The following MATN2 variants were observed in gnomAD, a reference collection of about 807,000 sequenced individuals.
MATN2 encodes the protein matrilin-2.
Under a neutral mutation model 103.2 loss-of-function variants are expected in MATN2, and 69 were observed. The observed-to-expected ratio is 0.67, with a 90% CI of 0.55 to 0.82. The LOEUF (loss-of-function observed/expected upper bound fraction) is 0.82, where lower values mean the gene tolerates loss of function less well. Among genes scored for constraint, MATN2 ranks in the 40% least tolerant of loss-of-function variants. The pLI is 0.00. For missense variants in MATN2, 1,023 were observed against 1,211.5 expected, an observed-to-expected ratio of 0.84 and a Z score of 2.31; for synonymous variants, 429 against 450.2, an observed-to-expected ratio of 0.95 and a Z score of 0.60.
At chr8:97,970,647 G>A (rs538389165) in intron 5 of MATN2, among the ~76,000 whole-genome samples, 2 of 152,272 alleles carry the variant, frequency 1.3e-5, no homozygotes, top group South Asian at 4.1e-4. Flanking sequence ...CTCCCTGACT[G>A]ACTAAAATTA....
At chr8:98,017,638 G>A (rs1488468700) in intron 11 of MATN2, among the ~76,000 whole-genome samples, 2 of 152,228 alleles carry the variant, frequency 1.3e-5, no homozygotes, top group Non-Finnish European at 2.9e-5. Flanking sequence ...CAAAGCCAAA[G>A]TTAGATTTCA....
intron 1 of MATN2, among the ~76,000 whole-genome samples, chr8:97,869,621 G>C (rs1340014720): frequency 6.6e-6 from 1 of 152,236 alleles, no homozygotes; most frequent in East Asian, 1.9e-4. Context: ...CCGCGACCCA[G>C]GGAAAGGGAG....
intron 2 of MATN2, among the ~76,000 whole-genome samples, chr8:97,911,488 C>A (rs888950483): frequency 6.6e-6 from 1 of 151,952 alleles, no homozygotes; most frequent in Non-Finnish European, 1.5e-5. Context: ...GCAGGCGGAT[C>A]ACGAGGTCAA....
chr8:97,923,535 T>TTCTCTCTC (rs35773325), intron 2 of MATN2, among the ~76,000 whole-genome samples: 2 of 148,454 alleles, frequency 1.3e-5, no homozygotes, highest in Non-Finnish European at 3.0e-5. Context: ...AGCCACTCAC[T>TTCTCTCTC]TCTCTCTCTC....
intron 1 of MATN2, among the ~76,000 whole-genome samples, chr8:97,875,006 G>A (rs527444459): frequency 9.9e-4 from 150 of 152,030 alleles, no homozygotes; most frequent in Admixed American, 3.5e-3. Flanking sequence ...ACAAGCCACC[G>A]CCCCTGGCCC....
chr8:97,977,508 C>T (rs576052873), intron 5 of MATN2, among the ~76,000 whole-genome samples: 34 of 152,218 alleles, frequency 2.2e-4, no homozygotes, highest in Non-Finnish European at 3.5e-4. Context: ...CCCATAACTT[C>T]CAGAACACCA....
chr8:97,957,952 C>T (rs1811191861), intron 4 of MATN2, among the ~76,000 whole-genome samples: 1 of 152,202 alleles, frequency 6.6e-6, no homozygotes. Context: ...CTTGCAGTTA[C>T]TCACAGACTC....
At chr8:97,987,798 G>C (rs1812245023) in intron 6 of MATN2, among the ~76,000 whole-genome samples, 1 of 151,924 alleles carries the variant, frequency 6.6e-6, no homozygotes, top group South Asian at 2.1e-4. Flanking sequence ...TCATATATTA[G>C]ACATTCAAGA....
rs542302868 is a variant in MATN2, at chr8:98,006,409, A to G, written c.1328-696A>G. On this transcript the variant is annotated intron_variant, in intron 8 of 18. Coordinates refer to ENST00000254898, the MANE Select transcript of MATN2 (RefSeq NM_002380.5). ...CTGTTCTGAGCGCTTTACATAATCAACCCCTCTTATTCTCACCCTATTCCT... is the reference window on the plus strand; with the variant it reads ...CTGTTCTGAGCGCTTTACATAATCAGCCCCTCTTATTCTCACCCTATTCCT... 3.3e-5 allele frequency among the ~76,000 whole-genome samples: 5 copies of G among 152,092 alleles called. No individual in the cohort carries two copies. The South Asian group carries it at 1.0e-3, about 32-fold the overall frequency.
intron 3 of MATN2, among the ~76,000 whole-genome samples, chr8:97,932,661 C>T (rs746855842): frequency 2.0e-5 from 3 of 152,240 alleles, no homozygotes; most frequent in East Asian, 1.9e-4. Context: ...CCTGCCTCTG[C>T]GGCTGCCTTT....
At chr8:97,960,822 T>C (rs62521959) in intron 4 of MATN2, among the ~76,000 whole-genome samples, 34,424 of 152,118 alleles carry the variant, frequency 0.23, 4,450 homozygotes, top group Non-Finnish European at 0.28. Context: ...TTTATGTTAT[T>C]TATTTATTTT....
intron 2 of MATN2, among the ~76,000 whole-genome samples, chr8:97,913,006 A>T (rs919268588): frequency 6.6e-6 from 1 of 152,154 alleles, no homozygotes; most frequent in African/African-American, 2.4e-5. Flanking sequence ...CCTCACTGGG[A>T]TCAGGATGGT....
intron 1 of MATN2, among the ~76,000 whole-genome samples, chr8:97,878,052 T>C (rs577737414): frequency 1.3e-5 from 2 of 152,266 alleles, no homozygotes; most frequent in East Asian, 1.9e-4. Context: ...GGTAAGGCAT[T>C]TGAAAACATT....
intron 11 of MATN2, 84 bp from the exon 12 acceptor site, chr8:98,017,910 A>AC (rs1813421238): frequency 6.7e-7 from 1 of 1,494,042 alleles, no homozygotes; most frequent in Non-Finnish European, 9.2e-7. Context: ...CCAGTAGCTG[A>AC]CTCCAGTGGA....
chr8:98,027,723 AG>A lies in MATN2; in HGVS notation c.2254del (p.Ala752ProfsTer43). 6.2e-7 allele frequency: 1 copy of A among 1,614,002 alleles called. No individual in the cohort carries two copies. Among genetic ancestry groups the A allele is most frequent in the African/African-American group, 1.3e-5 (1 of 75,054 alleles). On this transcript the variant is annotated frameshift_variant, in exon 14 of 19. Coordinates refer to ENST00000254898, the MANE Select transcript of MATN2 (RefSeq NM_002380.5). LOFTEE classifies it high-confidence loss of function. The stretch of plus-strand genomic sequence containing the variant: ...TTGAGAGAAGTTTTACCCAAGGAGA[AG>A]GGGCCAGGCCCCTTTCCACAAGGGT... ...MFERSFTQGE[G>X]ARPLSTRVPR...
At position 97,940,223 on chromosome 8, in the gene MATN2, T is replaced by G. The variant is rs138230067; in HGVS notation, c.713-1554T>G. On this transcript the variant is annotated intron_variant, in intron 3 of 18. Transcript: ENST00000254898. The stretch of plus-strand genomic sequence containing the variant: ...GGGAGGCTGATGTAGGAGAATCGCT[T>G]CAGCTCAGGAGTTTGAGACCAGCCT... Among the ~76,000 whole-genome samples, 471 of 152,318 alleles carry G rather than the reference T, an allele frequency of 3.1e-3. 3 individuals are homozygous for G. Among genetic ancestry groups the G allele is most frequent in the African/African-American group, 0.01 (422 of 41,566 alleles).
intron 6 of MATN2, among the ~76,000 whole-genome samples, chr8:97,992,895 G>A (rs13274382): frequency 0.11 from 16,660 of 151,064 alleles, 1,216 homozygotes; most frequent in Non-Finnish European, 0.17. Context: ...GCTTCAGCCT[G>A]GGCGATGGAG....
At chr8:97,959,769 T>C (rs1563692180) in intron 4 of MATN2, among the ~76,000 whole-genome samples, 1 of 152,108 alleles carries the variant, frequency 6.6e-6, no homozygotes, top group African/African-American at 2.4e-5. Context: ...TTAATAGAGA[T>C]GTTGAATCAA....
At chr8:97,897,572 C>T (rs867969935) in intron 2 of MATN2, among the ~76,000 whole-genome samples, 2 of 152,216 alleles carry the variant, frequency 1.3e-5, no homozygotes, top group African/African-American at 4.8e-5. Context: ...AAGGTCGATG[C>T]ATTGAGCTTA....
Sources: allele counts gnomAD v4.1 joint callset (sites outside exome capture counted in the v4.1 genomes callset), GRCh38; gene constraint gnomAD v4.1.1; transcripts MANE v1.5; gene names NCBI Gene and HGNC (gene_info 2026-07-23, HGNC 2026-07-21).